Variants in RIN3 observed in about 807,000 individuals in gnomAD.
RIN3 encodes RAB5 interacting protein 3.
A neutral mutation model predicts 76.3 loss-of-function variants in RIN3; 54 were observed. The ratio of observed to expected loss-of-function variants is 0.71; its 90% confidence interval spans 0.57 to 0.89. The LOEUF (loss-of-function observed/expected upper bound fraction) is 0.89, where lower values mean the gene tolerates loss of function less well. Ranked by LOEUF, RIN3 falls within the 40% of genes least tolerant of loss-of-function variation. The pLI, the probability that RIN3 is intolerant of heterozygous loss-of-function variation, is 0.00. For synonymous variants in RIN3, 576 were observed against 564.0 expected (o/e 1.02, Z -0.30); for missense variants, 1,256 against 1,322.1 (o/e 0.95, Z 0.78).
At chr14:92,570,170 G>A (rs1367075890) in intron 2 of RIN3, among the ~76,000 whole-genome samples, 2 of 152,206 alleles carry the variant, frequency 1.3e-5, no homozygotes, top group Non-Finnish European at 2.9e-5. Flanking sequence ...TGCAATTTAG[G>A]AGGGCTCCAG....
intron 7 of RIN3, among the ~76,000 whole-genome samples, chr14:92,665,829 A>C (rs1171364328): frequency 6.6e-6 from 1 of 151,426 alleles, no homozygotes; most frequent in African/African-American, 2.4e-5. Flanking sequence ...CCAGATCCCA[A>C]CTGACTTCAA....
At chr14:92,534,579 C>G (rs1234147621) in intron 1 of RIN3, among the ~76,000 whole-genome samples, 1 of 129,230 alleles carries the variant, frequency 7.7e-6, no homozygotes, top group Non-Finnish European at 1.7e-5. Flanking sequence ...CAGAGTGAGA[C>G]TCCATCTCAA....
At chr14:92,683,852 A>T (rs11851858) in intron 8 of RIN3, among the ~76,000 whole-genome samples, 2,244 of 152,342 alleles carry the variant, frequency 0.015, 65 homozygotes, top group African/African-American at 0.052. Context: ...TATTTTTAGA[A>T]TAGATAATGC....
chr14:92,591,940 TTTCTTA>T (rs1310112604), intron 3 of RIN3, among the ~76,000 whole-genome samples: 42 of 152,324 alleles, frequency 2.8e-4, no homozygotes, highest in African/African-American at 1.0e-3. Context: ...AATGTTTACT[TTTCTTA>T]TTCTTAATTG....
chr14:92,660,352 G>A (rs1024127496), intron 7 of RIN3, among the ~76,000 whole-genome samples: 2 of 152,172 alleles, frequency 1.3e-5, no homozygotes, highest in Non-Finnish European at 2.9e-5. Context: ...GCTGCTCTGG[G>A]ACGGCCTTGC....
At chr14:92,631,506 C>T (rs74072999) in intron 4 of RIN3, among the ~76,000 whole-genome samples, 5,878 of 152,244 alleles carry the variant, frequency 0.039, 394 homozygotes, top group African/African-American at 0.13. Flanking sequence ...GGCTGGGTCC[C>T]ACAGTCACCG....
At chr14:92,639,135 T>C (rs935679115) in intron 4 of RIN3, among the ~76,000 whole-genome samples, 1 of 152,224 alleles carries the variant, frequency 6.6e-6, no homozygotes, top group African/African-American at 2.4e-5. Context: ...TGCGGGGCTT[T>C]GGAGACCTGG....
At chr14:92,580,205 C>T (rs1181347625) in intron 3 of RIN3, among the ~76,000 whole-genome samples, 4 of 152,230 alleles carry the variant, frequency 2.6e-5, no homozygotes, top group Admixed American at 2.0e-4. Context: ...CCTGTCTCCA[C>T]TAAAAATACA....
intron 3 of RIN3, among the ~76,000 whole-genome samples, chr14:92,588,156 T>A (rs1884843358): frequency 1.3e-5 from 2 of 151,582 alleles, no homozygotes; most frequent in South Asian, 2.1e-4. Flanking sequence ...TACCATCATG[T>A]TGGCCATTAA....
chr14:92,605,495 C>T (rs984055585), intron 3 of RIN3, among the ~76,000 whole-genome samples: 6 of 152,210 alleles, frequency 3.9e-5, no homozygotes, highest in Non-Finnish European at 8.8e-5. Context: ...CATCCTCGTT[C>T]CATGCTTTCA....
chr14:92,562,026 C>A (rs1448122302), intron 2 of RIN3, among the ~76,000 whole-genome samples: 2 of 152,106 alleles, frequency 1.3e-5, no homozygotes, highest in African/African-American at 2.4e-5. Context: ...GGGATCCCAT[C>A]CCATGTTACA....
chr14:92,625,792 C>G (rs2140114510), intron 4 of RIN3, among the ~76,000 whole-genome samples: 1 of 152,306 alleles, frequency 6.6e-6, no homozygotes, highest in Non-Finnish European at 1.5e-5. Context: ...AAGCATATGG[C>G]TTGAAGCCGT....
rs551355210 is a variant in RIN3, at chr14:92,566,360, A to G, written c.249+10405A>G. ...AGCTGCAGCTCCAGACACCTCACCC[A>G]TTCGAAGGCAAGAGGTCACAGGCAA... On this transcript the variant is annotated intron_variant, in intron 2 of 9. Coordinates refer to ENST00000216487, the MANE Select transcript of RIN3 (RefSeq NM_024832.5). 2.1e-3 allele frequency among the ~76,000 whole-genome samples: 325 copies of G among 152,276 alleles called. 1 individual carries two copies. Among genetic ancestry groups the G allele is most frequent in the African/African-American group, 7.4e-3 (306 of 41,548 alleles).
At chr14:92,590,824 A>G (rs1884953085) in intron 3 of RIN3, among the ~76,000 whole-genome samples, 1 of 152,138 alleles carries the variant, frequency 6.6e-6, no homozygotes, top group Admixed American at 6.5e-5. Flanking sequence ...ACTGAGACTT[A>G]CCCATAGGAT....
intron 4 of RIN3, among the ~76,000 whole-genome samples, chr14:92,629,933 A>G (rs747320995): frequency 2.0e-5 from 3 of 152,250 alleles, no homozygotes; most frequent in Non-Finnish European, 4.4e-5. Context: ...AAGGCAAAAC[A>G]TCAGAGGCCT....
chr14:92,648,895 A>G lies in RIN3; in HGVS notation c.533-2687A>G, dbSNP rs1887298031. On this transcript the variant is annotated intron_variant, in intron 5 of 9. Coordinates refer to ENST00000216487, the MANE Select transcript of RIN3 (RefSeq NM_024832.5). The surrounding 1 kb of genome is among the most constrained non-coding windows in gnomAD (Gnocchi z 4.1). Reference sequence around the variant, plus strand: ...CCTGAAGGATGAGTAAGCATTTGCCAGGTGGAGAGGGTGGGAAAAGGATTC... The same window carrying G: ...CCTGAAGGATGAGTAAGCATTTGCCGGGTGGAGAGGGTGGGAAAAGGATTC... 2.6e-5 allele frequency among the ~76,000 whole-genome samples: 4 copies of G among 152,196 alleles called. No individual in the cohort carries two copies. Among genetic ancestry groups the G allele is most frequent in the Admixed American group, 2.6e-4 (4 of 15,284 alleles).
chr14:92,631,102 G>T (rs1337062906), intron 4 of RIN3, among the ~76,000 whole-genome samples: 1 of 152,204 alleles, frequency 6.6e-6, no homozygotes, highest in Non-Finnish European at 1.5e-5. Context: ...ATGCTTGTCA[G>T]CCCTGGCGTT....
chr14:92,613,224 C>T (rs957951400), intron 3 of RIN3, among the ~76,000 whole-genome samples: 3 of 152,182 alleles, frequency 2.0e-5, no homozygotes, highest in Non-Finnish European at 2.9e-5. Flanking sequence ...CCCCAGCCTC[C>T]CTTGGCCACA....
chr14:92,625,812 G>A (rs932460695), intron 4 of RIN3, among the ~76,000 whole-genome samples: 2 of 152,156 alleles, frequency 1.3e-5, no homozygotes, highest in African/African-American at 4.8e-5. Context: ...TCTGTTGGAA[G>A]GTGGATAGCA....
Sources: allele counts gnomAD v4.1 joint callset (sites outside exome capture counted in the v4.1 genomes callset), GRCh38; gene constraint gnomAD v4.1.1; non-coding constraint Gnocchi (gnomAD v3.1); transcripts MANE v1.5; gene names NCBI Gene and HGNC (gene_info 2026-07-23, HGNC 2026-07-21).